MAP3K7CL: variants seen among roughly 807,000 people sequenced by gnomAD.
The protein encoded by MAP3K7CL is MAP3K7 C-terminal like.
Under a neutral mutation model 18.6 loss-of-function variants are expected in MAP3K7CL, and 16 were observed. That is an observed-to-expected ratio of 0.86 (90% confidence interval 0.58 to 1.31). The LOEUF is 1.31. MAP3K7CL is among the 50% of genes most tolerant of loss of function. The probability of loss-of-function intolerance (pLI) is 0.00; values close to 1 mark genes in which losing one functional copy is unlikely to be tolerated. For synonymous variants in MAP3K7CL, 65 were observed against 66.8 expected, an observed-to-expected ratio of 0.97 and a Z score of 0.13; for missense variants, 163 against 174.4, an observed-to-expected ratio of 0.93 and a Z score of 0.37.
At chr21:29,103,771 A>C (rs1601158802) in intron 4 of MAP3K7CL, among the ~76,000 whole-genome samples, 1 of 150,530 alleles carries the variant, frequency 6.6e-6, no homozygotes. Context: ...GATGTTATGC[A>C]CCTGTAGTCC....
intron 4 of MAP3K7CL, among the ~76,000 whole-genome samples, chr21:29,119,283 G>A (rs1163234832): frequency 6.6e-6 from 1 of 152,188 alleles, no homozygotes; most frequent in East Asian, 1.9e-4. Context: ...GTCCCTGGAG[G>A]GCAGGCTAAA....
upstream of MAP3K7CL, among the ~76,000 whole-genome samples, chr21:29,083,076 G>T (rs772744720): frequency 6.6e-6 from 1 of 152,080 alleles, no homozygotes; most frequent in African/African-American, 2.4e-5. Flanking sequence ...ATTTTGAAAT[G>T]AATTCAGAAA....
intron 4 of MAP3K7CL, among the ~76,000 whole-genome samples, chr21:29,104,131 T>C (rs1041760657): frequency 6.6e-6 from 1 of 152,200 alleles, no homozygotes; most frequent in Admixed American, 6.5e-5. Context: ...TTTTTGTTTG[T>C]TTGGTTTTTT....
upstream of MAP3K7CL, chr21:29,085,751 T>C (rs774235446): frequency 3.1e-4 from 318 of 1,034,512 alleles, no homozygotes; most frequent in Admixed American, 5.3e-4. Flanking sequence ...ATGGTTAGTA[T>C]GTTGTTTGAA....
At chr21:29,111,160 G>C (rs1166846045) in intron 4 of MAP3K7CL, among the ~76,000 whole-genome samples, 1 of 152,096 alleles carries the variant, frequency 6.6e-6, no homozygotes, top group Non-Finnish European at 1.5e-5. Flanking sequence ...GGAGGCTGAG[G>C]CAGAAGAATT....
At chr21:29,123,533 A>G (rs967445538) in intron 4 of MAP3K7CL, among the ~76,000 whole-genome samples, 3 of 152,224 alleles carry the variant, frequency 2.0e-5, no homozygotes, top group Non-Finnish European at 4.4e-5. Context: ...GGAACTCTAT[A>G]GTTTCTTTAA....
At chr21:29,106,939 A>G (rs577929821) in intron 4 of MAP3K7CL, among the ~76,000 whole-genome samples, 2 of 152,214 alleles carry the variant, frequency 1.3e-5, no homozygotes, top group Non-Finnish European at 2.9e-5. Context: ...TTGTTGGGGA[A>G]GAAAGAAGGC....
chr21:29,077,278 G>A (rs556875443), upstream of MAP3K7CL, among the ~76,000 whole-genome samples: 7 of 152,362 alleles, frequency 4.6e-5, no homozygotes, highest in Admixed American at 1.3e-4. Context: ...CGGGCATGGC[G>A]GGCTGCAGGT....
intron 4 of MAP3K7CL, among the ~76,000 whole-genome samples, chr21:29,112,496 G>A (rs1286834109): frequency 1.3e-5 from 2 of 151,856 alleles, no homozygotes; most frequent in Non-Finnish European, 2.9e-5. Context: ...TTTAATGATT[G>A]ATGTATTAGA....
At chr21:29,098,181 C>T (rs368441491) in intron 4 of MAP3K7CL, among the ~76,000 whole-genome samples, 2 of 152,346 alleles carry the variant, frequency 1.3e-5, no homozygotes, top group South Asian at 2.1e-4. Context: ...CCAGTCTACA[C>T]AGCACCAGCA....
chr21:29,100,629 C>G (rs2086210584), intron 4 of MAP3K7CL, among the ~76,000 whole-genome samples: 1 of 151,556 alleles, frequency 6.6e-6, no homozygotes, highest in South Asian at 2.1e-4. Flanking sequence ...TACGCATCAC[C>G]TGGAAAAGTG....
chr21:29,134,234 TTGGCCGAGCATGG>T (rs1389535466), intron 2 of MAP3K7CL, among the ~76,000 whole-genome samples: 1 of 152,174 alleles, frequency 6.6e-6, no homozygotes, highest in African/African-American at 2.4e-5. Flanking sequence ...AAAGTAATGA[TTGGCCGAGCATGG>T]TGGCTCACGA....
chr21:29,157,154 A>G (rs1445265800), intron 3 of MAP3K7CL, among the ~76,000 whole-genome samples: 1 of 152,210 alleles, frequency 6.6e-6, no homozygotes, highest in East Asian at 1.9e-4. Flanking sequence ...AAAATTTACC[A>G]TCTTAACCAT....
At chr21:29,110,400 T>C (rs1221030511) in intron 4 of MAP3K7CL, among the ~76,000 whole-genome samples, 2 of 151,986 alleles carry the variant, frequency 1.3e-5, no homozygotes, top group Admixed American at 6.6e-5. Flanking sequence ...TTTATCTCTG[T>C]ATCTTTTTTT....
rs116966674 is a variant in MAP3K7CL at position 29,111,901 on chromosome 21, T to G, written c.370+19320T>G. Among the ~76,000 whole-genome samples, 825 of 152,320 alleles carry G rather than the reference T, an allele frequency of 5.4e-3. 7 individuals are homozygous for G. The highest frequency in any genetic ancestry group is 9.0e-3 in the Non-Finnish European group (613 of 68,030). On this transcript the variant is annotated intron_variant, in intron 4 of 6. Transcript: ENST00000286791. The stretch of plus-strand genomic sequence containing the variant: ...GGATGACTTAAACCCACTGATGTGC[T>G]AAGCCAGCTCTCATTCTTATGTCTG...
At chr21:29,098,793 A>T (rs1157162407) in intron 4 of MAP3K7CL, among the ~76,000 whole-genome samples, 1 of 86,602 alleles carries the variant, frequency 1.2e-5, no homozygotes, top group Non-Finnish European at 2.5e-5. Context: ...GCACTGAAGG[A>T]GATTTGTTAC....
chr21:29,173,046 G>A (rs552153697), intron 4 of MAP3K7CL, among the ~76,000 whole-genome samples: 78 of 152,266 alleles, frequency 5.1e-4, no homozygotes, highest in African/African-American at 1.8e-3. Flanking sequence ...AAGGAAGATA[G>A]TATTTGCATG....
intron 3 of MAP3K7CL, among the ~76,000 whole-genome samples, chr21:29,154,388 T>C (rs954514800): frequency 1.1e-5 from 1 of 88,208 alleles, no homozygotes; most frequent in Non-Finnish European, 2.3e-5. Flanking sequence ...GAGAACAATA[T>C]GACTTTTTTT....
chr21:29,141,749 G>C (rs1398778897), intron 2 of MAP3K7CL, among the ~76,000 whole-genome samples: 2 of 152,058 alleles, frequency 1.3e-5, no homozygotes, highest in Non-Finnish European at 2.9e-5. Flanking sequence ...AGCTATACTT[G>C]TAATCTTATG....
Sources: gnomAD v4.1 joint callset for allele counts (sites outside exome capture counted in the v4.1 genomes callset) on GRCh38, gnomAD v4.1.1 for gene constraint, MANE v1.5 for transcripts, NCBI Gene and HGNC (gene_info 2026-07-23, HGNC 2026-07-21) for gene names.